The following SAMMSON variants were observed in gnomAD, a reference collection of about 807,000 sequenced individuals.
SAMMSON encodes long intergenic non-protein coding RNA 1212.
intron 9 of SAMMSON, among the ~76,000 whole-genome samples, chr3:70,369,670 T>C (rs1343413236): frequency 1.3e-5 from 2 of 151,772 alleles, no homozygotes; most frequent in Non-Finnish European, 3.0e-5. Context: ...CAAGTATTTG[T>C]AGATTTTAAA....
intron 4 of SAMMSON, among the ~76,000 whole-genome samples, chr3:70,144,318 C>A (rs2067539510): frequency 6.6e-6 from 1 of 151,928 alleles, no homozygotes; most frequent in Non-Finnish European, 1.5e-5. Context: ...TAAAATAATT[C>A]TCTCTCCCCT....
chr3:70,115,623 G>A (rs2067407580), intron 4 of SAMMSON, among the ~76,000 whole-genome samples: 1 of 152,074 alleles, frequency 6.6e-6, no homozygotes, highest in Non-Finnish European at 1.5e-5. Context: ...TAAACTCAAA[G>A]TACTTTGTAA....
intron 3 of SAMMSON, among the ~76,000 whole-genome samples, chr3:70,021,289 A>AT (rs1187526370): frequency 6.6e-6 from 1 of 151,946 alleles, no homozygotes; most frequent in Admixed American, 6.6e-5. Context: ...TTCATATTAG[A>AT]TTTTCTTTTA....
intron 9 of SAMMSON, among the ~76,000 whole-genome samples, chr3:70,370,746 ACTTT>A (rs976164718): frequency 4.6e-5 from 7 of 151,996 alleles, no homozygotes; most frequent in Middle Eastern, 3.2e-3. Context: ...GTTTGCAACT[ACTTT>A]CTTTCATTCA....
intron 3 of SAMMSON, among the ~76,000 whole-genome samples, chr3:70,060,204 T>A (rs1334010970): frequency 1.3e-5 from 2 of 152,138 alleles, no homozygotes; most frequent in Non-Finnish European, 2.9e-5. Context: ...TGCCAGGCAC[T>A]GTGCTAGTTG....
chr3:70,219,205 T>G (rs1445504989), intron 4 of SAMMSON, among the ~76,000 whole-genome samples: 1 of 152,180 alleles, frequency 6.6e-6, no homozygotes, highest in African/African-American at 2.4e-5. Context: ...TGCTCACATC[T>G]GCAAATTTGG....
chr3:70,041,814 C>G (rs2067107422), intron 3 of SAMMSON, among the ~76,000 whole-genome samples: 1 of 152,064 alleles, frequency 6.6e-6, no homozygotes. Flanking sequence ...GTCCTGGAAC[C>G]AATCCCCCAT....
intron 3 of SAMMSON, among the ~76,000 whole-genome samples, chr3:70,026,456 C>T (rs1449365681): frequency 6.6e-6 from 1 of 152,090 alleles, no homozygotes; most frequent in African/African-American, 2.4e-5. Context: ...ATCAAGATTT[C>T]CTGCTGGTTA....
At chr3:70,298,852 G>T (rs1386144068) in intron 7 of SAMMSON, among the ~76,000 whole-genome samples, 1 of 152,106 alleles carries the variant, frequency 6.6e-6, no homozygotes, top group African/African-American at 2.4e-5. Flanking sequence ...TGGTCCTGTT[G>T]TTTACTACCT....
At chr3:70,352,436 G>A (rs1170821248) in intron 7 of SAMMSON, among the ~76,000 whole-genome samples, 1 of 151,984 alleles carries the variant, frequency 6.6e-6, no homozygotes, top group African/African-American at 2.4e-5. Context: ...AGGAATGAAG[G>A]AAAAATCATG....
At chr3:70,169,645 C>T (rs201899430) in intron 4 of SAMMSON, among the ~76,000 whole-genome samples, 3 of 142,792 alleles carry the variant, frequency 2.1e-5, no homozygotes, top group African/African-American at 2.6e-5. Context: ...TTTCTTTTTT[C>T]TTTTTTTTTT....
intron 4 of SAMMSON, chr3:70,126,725 G>GT (rs913382564): frequency 4.9e-4 from 124 of 251,076 alleles, no homozygotes; most frequent in African/African-American, 1.1e-3. Context: ...TTTGTTTTTT[G>GT]TTTTTTTTGA....
chr3:70,320,456 G>A (rs1470195963), intron 7 of SAMMSON, among the ~76,000 whole-genome samples: 1 of 152,004 alleles, frequency 6.6e-6, no homozygotes, highest in African/African-American at 2.4e-5. Flanking sequence ...GGGGTCAAAT[G>A]CTAAATTAAA....
chr3:70,331,099 C>G (rs570163014), intron 7 of SAMMSON, among the ~76,000 whole-genome samples: 1 of 152,286 alleles, frequency 6.6e-6, no homozygotes, highest in African/African-American at 2.4e-5. Context: ...TCTTCTTAGA[C>G]AAAACATGAA....
At chr3:70,168,351 A>T (rs1409920002) in intron 4 of SAMMSON, among the ~76,000 whole-genome samples, 1 of 151,954 alleles carries the variant, frequency 6.6e-6, no homozygotes, top group Non-Finnish European at 1.5e-5. Context: ...TGGCAAAACA[A>T]CTCATAACCT....
chr3:70,010,916 G>A (rs1445595297), intron 1 of SAMMSON, among the ~76,000 whole-genome samples: 2 of 152,014 alleles, frequency 1.3e-5, no homozygotes, highest in Non-Finnish European at 1.5e-5. Flanking sequence ...ACTGACTATC[G>A]TGAGAACAGC....
intron 4 of SAMMSON, among the ~76,000 whole-genome samples, chr3:70,188,995 C>T (rs1701111125): frequency 6.6e-6 from 1 of 152,138 alleles, no homozygotes; most frequent in Non-Finnish European, 1.5e-5. Context: ...CCCCAAAAAT[C>T]AGAAGAGAGG....
intron 4 of SAMMSON, among the ~76,000 whole-genome samples, chr3:70,101,890 A>G (rs1347316421): frequency 2.0e-5 from 3 of 152,236 alleles, no homozygotes; most frequent in African/African-American, 4.8e-5. Flanking sequence ...GACAAAATGT[A>G]GAAGGTTGAA....
At chr3:70,384,497 G>C (rs951698876) in intron 9 of SAMMSON, among the ~76,000 whole-genome samples, 29 of 151,936 alleles carry the variant, frequency 1.9e-4, no homozygotes, top group African/African-American at 6.8e-4. Flanking sequence ...TCTTCAAGAA[G>C]ATCAAATAGT....
Sources: allele counts gnomAD v4.1 joint callset (sites outside exome capture counted in the v4.1 genomes callset), GRCh38; gene constraint gnomAD v4.1.1; transcripts MANE v1.5; gene names NCBI Gene and HGNC (gene_info 2026-07-23, HGNC 2026-07-21).